The following VTI1A variants were observed in gnomAD, a reference collection of about 807,000 sequenced individuals.
VTI1A encodes vesicle transport through interaction with t-SNAREs 1A, also known as vesicle transport through interaction with t-SNAREs homolog 1A.
In VTI1A, 22 loss-of-function variants were observed where a neutral mutation model predicts 34.9. The ratio of observed to expected loss-of-function variants is 0.63; its 90% CI spans 0.45 to 0.90. The LOEUF is 0.90. Among genes scored for constraint, VTI1A ranks in the 40% least tolerant of loss-of-function variants. The pLI, the probability that VTI1A is intolerant of heterozygous loss-of-function variation, is 0.00. For missense variants in VTI1A, 268 were observed against 275.6 expected (o/e 0.97, Z 0.20); for synonymous variants, 87 against 97.3 (o/e 0.89, Z 0.62).
At chr10:112,747,536 T>C (rs930106223) in intron 7 of VTI1A, among the ~76,000 whole-genome samples, 1 of 152,248 alleles carries the variant, frequency 6.6e-6, no homozygotes, top group African/African-American at 2.4e-5. Context: ...ATTATAACTA[T>C]AGTTTCCGTT....
chr10:112,539,114 C>A (rs771666703), intron 5 of VTI1A, among the ~76,000 whole-genome samples: 1 of 152,098 alleles, frequency 6.6e-6, no homozygotes, highest in African/African-American at 2.4e-5. Context: ...TGTTACTCTA[C>A]GCTTTTTATT....
At chr10:112,833,212 G>A in the VTI1A span, among the ~76,000 whole-genome samples, 1 of 152,006 alleles carries the variant, frequency 6.6e-6, no homozygotes, top group African/African-American at 2.4e-5. Flanking sequence ...ATCTCCTGCA[G>A]CCTCTACTCA....
At chr10:112,588,013 T>A (rs1379777049) in intron 5 of VTI1A, among the ~76,000 whole-genome samples, 3 of 152,176 alleles carry the variant, frequency 2.0e-5, no homozygotes, top group Admixed American at 2.0e-4. Context: ...AAACCACTGC[T>A]ACTCTGATGT....
intron 7 of VTI1A, among the ~76,000 whole-genome samples, chr10:112,783,384 C>T (rs942591888): frequency 2.2e-5 from 3 of 135,542 alleles, no homozygotes. Context: ...GTTGTATGTG[C>T]ATGCCCGCGT....
chr10:112,654,349 A>G (rs1299936652), intron 5 of VTI1A, among the ~76,000 whole-genome samples: 1 of 152,014 alleles, frequency 6.6e-6, no homozygotes, highest in Non-Finnish European at 1.5e-5. Context: ...ATCTCCTTTT[A>G]TTTTTTTACA....
chr10:112,483,340 T>G (rs1486096354), intron 3 of VTI1A, among the ~76,000 whole-genome samples: 1 of 152,092 alleles, frequency 6.6e-6, no homozygotes, highest in African/African-American at 2.4e-5. Context: ...GTGAGGAAGA[T>G]TGCACGACAA....
intron 7 of VTI1A, among the ~76,000 whole-genome samples, chr10:112,694,031 AC>A (rs1848697889): frequency 6.6e-6 from 1 of 152,138 alleles, no homozygotes; most frequent in African/African-American, 2.4e-5. Context: ...ATATGGTGAA[AC>A]CCTGTCTCTA....
At chr10:112,544,690 G>A (rs1851009085) in intron 5 of VTI1A, among the ~76,000 whole-genome samples, 1 of 152,148 alleles carries the variant, frequency 6.6e-6, no homozygotes, top group Non-Finnish European at 1.5e-5. Context: ...GATCTCCCAG[G>A]GAAGAACCCT....
intron 7 of VTI1A, among the ~76,000 whole-genome samples, chr10:112,738,956 C>T (rs564473153): frequency 1.4e-4 from 22 of 152,312 alleles, no homozygotes; most frequent in East Asian, 7.7e-4. Context: ...GGCCTGAACT[C>T]GCTCTGAATG....
intron 5 of VTI1A, among the ~76,000 whole-genome samples, chr10:112,542,477 A>T (rs1252336222): frequency 6.6e-6 from 1 of 152,130 alleles, no homozygotes; most frequent in Admixed American, 6.5e-5. Flanking sequence ...TAGTCACTGC[A>T]GGCCACCTCG....
At chr10:112,687,219 CTTTTTTTTTTTTTTTTTTTTT>C (rs71303594) in intron 7 of VTI1A, among the ~76,000 whole-genome samples, 1 of 84,566 alleles carries the variant, frequency 1.2e-5, no homozygotes, top group South Asian at 4.3e-4. Flanking sequence ...CATACTACAA[CTTTTTTTTTTTTTTTTTTTTT>C]TTTTTTTTTT....
chr10:112,515,059 A>C (rs1849729536), intron 3 of VTI1A, among the ~76,000 whole-genome samples: 1 of 152,100 alleles, frequency 6.6e-6, no homozygotes, highest in Admixed American at 6.6e-5. Flanking sequence ...CATTTGAAAA[A>C]TTGAATTAAT....
downstream of VTI1A, among the ~76,000 whole-genome samples, chr10:112,822,873 C>T (rs1022118718): frequency 3.3e-5 from 5 of 152,112 alleles, no homozygotes; most frequent in South Asian, 6.2e-4. Context: ...TACTATGTTC[C>T]AGGCCCCGAA....
At chr10:112,674,798 G>A (rs777579225) in intron 7 of VTI1A, among the ~76,000 whole-genome samples, 2 of 152,160 alleles carry the variant, frequency 1.3e-5, no homozygotes, top group Non-Finnish European at 2.9e-5. Context: ...ACAGAATTAG[G>A]ATGTGAACTT....
At position 112,611,842 on chromosome 10, in the gene VTI1A, C is replaced by T. The variant is rs540505979; in HGVS notation, c.428-56376C>T. On this transcript the variant is annotated intron_variant, in intron 5 of 7. Coordinates refer to ENST00000393077, the MANE Select transcript of VTI1A (RefSeq NM_145206.4). ...CTGCAAGCTCCATCTCCTGGGTTCACGTCATTGTCCTACCTCAGCCTCCTG... is the reference window on the plus strand; with the variant it reads ...CTGCAAGCTCCATCTCCTGGGTTCATGTCATTGTCCTACCTCAGCCTCCTG... Among the ~76,000 whole-genome samples the T allele has an allele frequency of 2.7e-5, 4 of 148,578 alleles. No homozygotes were observed. The South Asian group carries it at 8.5e-4, about 32-fold the overall frequency.
At chr10:112,603,387 G>A (rs997867762) in intron 5 of VTI1A, among the ~76,000 whole-genome samples, 2 of 152,266 alleles carry the variant, frequency 1.3e-5, no homozygotes, top group Non-Finnish European at 2.9e-5. Context: ...GAGGTAGGAA[G>A]GGTTTTGTTT....
chr10:112,617,477 T>G (rs1456209878), intron 5 of VTI1A, among the ~76,000 whole-genome samples: 1 of 152,216 alleles, frequency 6.6e-6, no homozygotes, highest in Admixed American at 6.5e-5. Context: ...AAAAAAATTA[T>G]AAGATTTACA....
intron 7 of VTI1A, among the ~76,000 whole-genome samples, chr10:112,727,485 A>G (rs12763334): frequency 0.16 from 23,872 of 152,182 alleles, 2,211 homozygotes; most frequent in Middle Eastern, 0.23. Context: ...TGAAAAAAAT[A>G]TGATAGGAAA....
intron 5 of VTI1A, among the ~76,000 whole-genome samples, chr10:112,564,879 T>C (rs1455828065): frequency 6.6e-6 from 1 of 152,184 alleles, no homozygotes; most frequent in East Asian, 1.9e-4. Context: ...TGTTTGCCAA[T>C]AATTTTTGTT....
Sources: allele counts gnomAD v4.1 joint callset (sites outside exome capture counted in the v4.1 genomes callset), GRCh38; gene constraint gnomAD v4.1.1; transcripts MANE v1.5; gene names NCBI Gene and HGNC (gene_info 2026-07-23, HGNC 2026-07-21).